The following ITSN1 variants were observed in gnomAD, a reference collection of about 807,000 sequenced individuals.
ITSN1 encodes intersectin-1.
Under a neutral mutation model 239.8 loss-of-function variants are expected in ITSN1, and 58 were observed. The ratio of observed to expected loss-of-function variants is 0.24; its 90% CI spans 0.20 to 0.30. The LOEUF (loss-of-function observed/expected upper bound fraction) is 0.30. Ranked by LOEUF, ITSN1 falls within the 10% of genes least tolerant of loss-of-function variation. ITSN1 has a pLI of 1.00. For missense variants in ITSN1, 1,558 were observed against 2,103.3 expected (o/e 0.74, Z 5.07); for synonymous variants, 780 against 770.8 (o/e 1.01, Z -0.20).
chr21:33,772,231 A>G lies in ITSN1; in HGVS notation c.1213A>G (p.Arg405Gly). The G allele has an allele frequency of 1.9e-6, 3 of 1,610,470 alleles. No homozygotes were observed. Among genetic ancestry groups the G allele is most frequent in the Non-Finnish European group, 2.5e-6 (3 of 1,178,132 alleles). Residue 405 changes from arginine to glycine, a missense_variant, in exon 12 of 40, where the codon AGA (arginine) becomes GGA (glycine). This residue lies in a region of ITSN1 where 982 missense variants were observed against 1,209.9 expected (regional missense o/e 0.81). Coordinates refer to ENST00000381318, the MANE Select transcript of ITSN1 (RefSeq NM_003024.3). Reference sequence around the variant, plus strand: ...TGAGCGCCAGGAGCAAGAGCGCAAAAGACAACTGGAACTGGAGAAGCAACT... The same window carrying G: ...TGAGCGCCAGGAGCAAGAGCGCAAAGGACAACTGGAACTGGAGAAGCAACT... Reference protein sequence around the residue: ...ERERQEQERKRQLELEKQLEK... With the variant: ...ERERQEQERKGQLELEKQLEK...
At chr21:33,753,113 G>C (rs903642120) in intron 7 of ITSN1, among the ~76,000 whole-genome samples, 1 of 152,172 alleles carries the variant, frequency 6.6e-6, no homozygotes, top group East Asian at 1.9e-4. Context: ...GCAACAGAAC[G>C]TAACTCATAA....
chr21:33,773,672 T>C (rs539296128), intron 12 of ITSN1, among the ~76,000 whole-genome samples: 5 of 151,672 alleles, frequency 3.3e-5, no homozygotes, highest in East Asian at 3.9e-4. Context: ...ACAAAACTTA[T>C]AGCCATAACT....
intron 29 of ITSN1, among the ~76,000 whole-genome samples, chr21:33,843,456 C>T (rs199656087): frequency 6.6e-5 from 10 of 152,308 alleles, no homozygotes; most frequent in East Asian, 3.9e-4. Context: ...GTTTGCCAGG[C>T]GCTCAGGCTT....
chr21:33,701,835 A>G (rs1463738128), intron 1 of ITSN1, among the ~76,000 whole-genome samples: 6 of 151,566 alleles, frequency 4.0e-5, no homozygotes, highest in Non-Finnish European at 7.4e-5. Flanking sequence ...TGGGAGGCTG[A>G]GGTGGGCGGA....
At chr21:33,656,141 A>G (rs2089051939) in intron 1 of ITSN1, among the ~76,000 whole-genome samples, 1 of 152,160 alleles carries the variant, frequency 6.6e-6, no homozygotes, top group Non-Finnish European at 1.5e-5. Context: ...CGTGTGTCTG[A>G]ACCCATCATA....
At chr21:33,816,239 A>C (rs1010192453) in intron 22 of ITSN1, among the ~76,000 whole-genome samples, 1 of 152,112 alleles carries the variant, frequency 6.6e-6, no homozygotes, top group African/African-American at 2.4e-5. Context: ...CTGAGTCCGT[A>C]ATAGATCATT....
chr21:33,836,754 G>C (rs376901189), intron 29 of ITSN1, 122 bp downstream of exon 29: 2 of 844,818 alleles, frequency 2.4e-6, no homozygotes, highest in South Asian at 1.8e-5. Flanking sequence ...TGCTGCATTC[G>C]CAGTCGTCTC....
chr21:33,862,940 C>A (rs1980900538), intron 31 of ITSN1, among the ~76,000 whole-genome samples: 1 of 152,196 alleles, frequency 6.6e-6, no homozygotes, highest in South Asian at 2.1e-4. Context: ...GTTCAGCAAT[C>A]ATTGAGCGCT....
chr21:33,827,042 G>A (rs1369544262), intron 26 of ITSN1, among the ~76,000 whole-genome samples, 179 bp downstream of exon 26: 5 of 152,200 alleles, frequency 3.3e-5, no homozygotes, highest in Non-Finnish European at 4.4e-5. Context: ...AGATTTGTCT[G>A]TTGCTTCACA....
At chr21:33,670,080 G>C (rs2090171895) in intron 1 of ITSN1, among the ~76,000 whole-genome samples, 1 of 152,166 alleles carries the variant, frequency 6.6e-6, no homozygotes, top group African/African-American at 2.4e-5. Context: ...AAAACTGAGA[G>C]GCCAGGTGCC....
At chr21:33,834,873 C>T (rs2074512588) in intron 28 of ITSN1, among the ~76,000 whole-genome samples, 1 of 152,006 alleles carries the variant, frequency 6.6e-6, no homozygotes, top group South Asian at 2.1e-4. Flanking sequence ...AAAATAGCTC[C>T]CCTGTGACAT....
At chr21:33,829,011 C>G (rs1269157322) in intron 26 of ITSN1, 1 of 471,084 alleles carries the variant, frequency 2.1e-6, no homozygotes, top group African/African-American at 2.0e-5. Flanking sequence ...ATTTGCCCTG[C>G]CATGATTTGC....
At chr21:33,748,033 TATA>T (rs1221748670) in intron 5 of ITSN1, among the ~76,000 whole-genome samples, 1 of 152,204 alleles carries the variant, frequency 6.6e-6, no homozygotes, top group African/African-American at 2.4e-5. Flanking sequence ...TATAACATAT[TATA>T]ATGTATGTGA....
intron 16 of ITSN1, among the ~76,000 whole-genome samples, chr21:33,792,831 T>C (rs141757650): frequency 5.4e-4 from 82 of 152,260 alleles, no homozygotes; most frequent in African/African-American, 1.9e-3. Flanking sequence ...GCCTGGATGT[T>C]CCCAGTGTCA....
chr21:33,844,550 G>C (rs1218689969), intron 29 of ITSN1, among the ~76,000 whole-genome samples: 1 of 152,164 alleles, frequency 6.6e-6, no homozygotes, highest in Non-Finnish European at 1.5e-5. Flanking sequence ...CTTAGATAAG[G>C]GGCGTGGGCT....
rs1251898943 is a variant in ITSN1 at position 33,750,367 on chromosome 21, A to G, written c.526+45A>G. On this transcript the variant is annotated intron_variant, in intron 6 of 39. Transcript: ENST00000381318. ...CATAGGCTGAGTTTTTACTACTTGT[A>G]TTTTGCTGTTCATTATTAAAATATT... is the stretch of plus-strand genomic sequence containing the variant. The G allele has an allele frequency of 3.3e-6, 5 of 1,533,054 alleles. No individual in the cohort carries two copies. The South Asian group carries it at 5.6e-5, about 17-fold the overall frequency. The allele number at this position is 1,533,054 out of a possible 1,614,324, so 95.0% of individuals were successfully genotyped here. A position where few individuals can be genotyped will look rare whatever the true frequency, so the allele number is the denominator to read the frequency against.
chr21:33,873,802 G>T (rs1456979985), intron 33 of ITSN1, among the ~76,000 whole-genome samples: 2 of 152,176 alleles, frequency 1.3e-5, no homozygotes, highest in East Asian at 3.9e-4. Flanking sequence ...AACCTGGGAG[G>T]CAGAGGTTGC....
rs750953034 is a variant in ITSN1, at chr21:33,774,906, A to G, written c.1455+28A>G. ...GAGTGAAGTTTGGTTATACTTTGAA[A>G]ATATACTAAGATGGAACCATTAAAA... On this transcript the variant is annotated intron_variant, in intron 13 of 39. Coordinates refer to ENST00000381318, the MANE Select transcript of ITSN1 (RefSeq NM_003024.3). 5 of 1,605,538 alleles carry G rather than the reference A, an allele frequency of 3.1e-6. No individual in the cohort carries two copies. In the Admixed American group the frequency reaches 8.6e-5, roughly 27 times the overall value.
In ITSN1 at chr21:33,755,302, C is replaced by T. The variant is rs774273932; in HGVS notation, c.629C>T (p.Pro210Leu). 4 of 1,597,012 alleles carry T rather than the reference C, an allele frequency of 2.5e-6. No individual in the cohort carries two copies. The highest frequency in any genetic ancestry group is 3.4e-5 in the Admixed American group (2 of 58,698). The change falls in exon 8 of 40, where the codon CCA becomes CTA. Residue 210 changes from proline to leucine, a missense_variant. Transcript: ENST00000381318. ...KAQSFDVASV[P>L]PVAEWAVPQS... ...CCTTTTTCTTTTCCCCACAGTGTCC[C>T]ACCAGTGGCAGAGTGGGCTGTTCCT...
Sources: allele counts gnomAD v4.1 joint callset (sites outside exome capture counted in the v4.1 genomes callset), GRCh38; gene constraint gnomAD v4.1.1; regional missense constraint gnomAD v4.1.1; transcripts MANE v1.5; gene names NCBI Gene and HGNC (gene_info 2026-07-23, HGNC 2026-07-21).